Variants in SLC24A2 observed in about 807,000 individuals in gnomAD.
SLC24A2 encodes sodium/potassium/calcium exchanger 2.
A neutral mutation model predicts 62.0 loss-of-function variants in SLC24A2; 36 were observed. The ratio of observed to expected loss-of-function variants is 0.58; its 90% confidence interval spans 0.44 to 0.77. The LOEUF is 0.77. SLC24A2 is among the 30% of genes least tolerant of loss of function. SLC24A2 has a pLI of 0.00. For synonymous variants in SLC24A2, 358 were observed against 294.0 expected, an observed-to-expected ratio of 1.22 and a Z score of -2.23; for missense variants, 846 against 817.9, an observed-to-expected ratio of 1.03 and a Z score of -0.42.
At chr9:19,527,930 C>T (rs189017547) in intron 9 of SLC24A2, 119 bp downstream of exon 9, 71 of 722,952 alleles carry the variant, frequency 9.8e-5, no homozygotes, top group Non-Finnish European at 1.5e-4. Flanking sequence ...AATGCTAACT[C>T]GTCTGTGTCA....
chr9:20,256,833 C>G, the SLC24A2 span, among the ~76,000 whole-genome samples: 1 of 152,034 alleles, frequency 6.6e-6, no homozygotes, highest in Admixed American at 6.6e-5. Context: ...TTATTTGCTC[C>G]TGCCATGCCC....
the SLC24A2 span, among the ~76,000 whole-genome samples, chr9:20,293,906 C>G: frequency 6.6e-6 from 1 of 152,136 alleles, no homozygotes; most frequent in Non-Finnish European, 1.5e-5. Context: ...CAACCAAGTC[C>G]TCAGGCTCCA....
chr9:19,683,867 C>A (rs1230390432), intron 2 of SLC24A2, among the ~76,000 whole-genome samples: 1 of 152,078 alleles, frequency 6.6e-6, no homozygotes, highest in East Asian at 1.9e-4. Context: ...GGCCCAGGGG[C>A]TCCACACCTC....
intron 2 of SLC24A2, among the ~76,000 whole-genome samples, chr9:19,640,570 C>T (rs892362489): frequency 7.4e-6 from 1 of 134,484 alleles, no homozygotes; most frequent in Non-Finnish European, 1.5e-5. Context: ...TAAGGCAGTA[C>T]CAAAAAACTC....
At chr9:20,168,051 A>G in the SLC24A2 span, among the ~76,000 whole-genome samples, 2 of 152,008 alleles carry the variant, frequency 1.3e-5, no homozygotes, top group Non-Finnish European at 2.9e-5. Context: ...GTCATTATCC[A>G]TGCAAACTAC....
At chr9:19,974,293 A>C in the SLC24A2 span, among the ~76,000 whole-genome samples, 1 of 152,208 alleles carries the variant, frequency 6.6e-6, no homozygotes. Flanking sequence ...CACTGCTATG[A>C]ATTTGTCCTG....
intron 9 of SLC24A2, among the ~76,000 whole-genome samples, chr9:19,524,418 CAAAA>C (rs34416897): frequency 4.2e-5 from 5 of 119,050 alleles, no homozygotes; most frequent in African/African-American, 6.2e-5. Context: ...AAGATAAAGG[CAAAA>C]AAAAAAAAAA....
chr9:19,985,485 T>C, the SLC24A2 span, among the ~76,000 whole-genome samples: 1 of 152,260 alleles, frequency 6.6e-6, no homozygotes, highest in South Asian at 2.1e-4. Flanking sequence ...ACACAAACAC[T>C]ATGTACTATA....
At chr9:19,814,816 G>A in the SLC24A2 span, among the ~76,000 whole-genome samples, 1 of 152,148 alleles carries the variant, frequency 6.6e-6, no homozygotes, top group East Asian at 1.9e-4. Context: ...AGTAAAAAAT[G>A]AATCCTGTTT....
At chr9:20,267,429 T>C in the SLC24A2 span, among the ~76,000 whole-genome samples, 1 of 152,256 alleles carries the variant, frequency 6.6e-6, no homozygotes, top group East Asian at 1.9e-4. Context: ...TCCTAGTGCT[T>C]GTCTGGCCAG....
At chr9:19,862,223 G>GAC in the SLC24A2 span, among the ~76,000 whole-genome samples, 4 of 152,056 alleles carry the variant, frequency 2.6e-5, no homozygotes, top group Non-Finnish European at 5.9e-5. Context: ...ACAAACAATG[G>GAC]GGTTCCAATA....
At chr9:19,923,030 A>G in the SLC24A2 span, among the ~76,000 whole-genome samples, 5 of 150,690 alleles carry the variant, frequency 3.3e-5, no homozygotes, top group African/African-American at 9.7e-5. Context: ...AATTTAACCT[A>G]CCAGTTTTTT....
At chr9:19,583,615 A>G (rs886391949) in intron 5 of SLC24A2, among the ~76,000 whole-genome samples, 1 of 152,160 alleles carries the variant, frequency 6.6e-6, no homozygotes, top group Admixed American at 6.5e-5. Flanking sequence ...CTGTACGCCA[A>G]TGACCCAGAG....
the SLC24A2 span, among the ~76,000 whole-genome samples, chr9:19,941,914 T>C: frequency 1.3e-5 from 2 of 152,166 alleles, no homozygotes; most frequent in South Asian, 2.1e-4. Flanking sequence ...TGTGCATGTA[T>C]ACATATGCAT....
chr9:19,722,851 A>ATTT (rs1821067452), intron 2 of SLC24A2, among the ~76,000 whole-genome samples: 2 of 152,070 alleles, frequency 1.3e-5, no homozygotes, highest in Admixed American at 1.3e-4. Flanking sequence ...AATGTCAAAG[A>ATTT]GTTTCTAGAG....
chr9:20,192,697 C>T, the SLC24A2 span, among the ~76,000 whole-genome samples: 289 of 152,108 alleles, frequency 1.9e-3, no homozygotes, highest in Non-Finnish European at 2.9e-3. Flanking sequence ...ATTCCTGATA[C>T]GGGGGCTGCT....
chr9:19,916,981 GTTTTTTTTTT>G, the SLC24A2 span, among the ~76,000 whole-genome samples: 8 of 72,020 alleles, frequency 1.1e-4, no homozygotes, highest in Non-Finnish European at 1.5e-4. Context: ...TAACTTACCT[GTTTTTTTTTT>G]TTTTTTTTTT....
chr9:19,846,286 C>T, the SLC24A2 span, among the ~76,000 whole-genome samples: 2,788 of 152,160 alleles, frequency 0.018, 94 homozygotes, highest in African/African-American at 0.065. Context: ...ATGTTGGGTG[C>T]GCATATATTT....
chr9:20,260,387 C>A, the SLC24A2 span, among the ~76,000 whole-genome samples: 5 of 152,212 alleles, frequency 3.3e-5, no homozygotes, highest in Non-Finnish European at 5.9e-5. Context: ...AGAAGCCAGT[C>A]ATCCAAAAGA....
Sources: allele counts gnomAD v4.1 joint callset (sites outside exome capture counted in the v4.1 genomes callset), GRCh38; gene constraint gnomAD v4.1.1; transcripts MANE v1.5; gene names NCBI Gene and HGNC (gene_info 2026-07-23, HGNC 2026-07-21).